RPA2: variants seen among roughly 807,000 people sequenced by gnomAD.
The protein encoded by RPA2 is replication protein A 32 kDa subunit.
In RPA2, 22 loss-of-function variants were observed where a neutral mutation model predicts 33.4. That is an observed-to-expected ratio of 0.66 (90% CI 0.47 to 0.94). RPA2 has a LOEUF of 0.94. Ranked by LOEUF, RPA2 falls within the 40% of genes least tolerant of loss-of-function variation. RPA2 has a pLI of 0.00. For missense variants in RPA2, 279 were observed against 329.9 expected (o/e 0.85, Z 1.19); for synonymous variants, 109 against 114.9 (o/e 0.95, Z 0.33).
At chr1:27,911,820 C>G (rs199890647) in intron 2 of RPA2, among the ~76,000 whole-genome samples, 2 of 152,012 alleles carry the variant, frequency 1.3e-5, no homozygotes, top group Non-Finnish European at 1.5e-5. Context: ...CGGCCGGGCA[C>G]GGTGGCTCAC....
Position 27,906,841 on chromosome 1 carries a change from T to C in RPA2, c.333+87A>G. 3 of 848,768 alleles carry C rather than the reference T, an allele frequency of 3.5e-6. No individual in the cohort carries two copies. The South Asian group carries it at 5.3e-5, about 15-fold the overall frequency. 52.6% of individuals were successfully genotyped at this position (848,768 alleles called of 1,614,324 possible). On this transcript the variant is annotated intron_variant, in intron 4 of 8. Coordinates refer to ENST00000373912, the MANE Select transcript of RPA2 (RefSeq NM_002946.5). Reference sequence around the variant, plus strand: ...TTGATGTCTTTTTGTATTATTTTTATAAGAAAAAACTTTAAAAAGACTAAA... The same window carrying C: ...TTGATGTCTTTTTGTATTATTTTTACAAGAAAAAACTTTAAAAAGACTAAA...
In RPA2 at chr1:27,913,754, T is replaced by A. The variant is rs112518040; in HGVS notation, c.117+309A>T. Among the ~76,000 whole-genome samples the A allele has an allele frequency of 3.7e-3, 569 of 152,188 alleles. 5 individuals are homozygous for A. The highest frequency in any genetic ancestry group is 0.013 in the African/African-American group (550 of 41,530). Reference sequence around the variant, plus strand: ...CAACATAGTGAGACCCCATCTCTATTTTAAAAAATAAAAATAAATTTAAAA... The same window carrying A: ...CAACATAGTGAGACCCCATCTCTATATTAAAAAATAAAAATAAATTTAAAA... On this transcript the variant is annotated intron_variant, in intron 2 of 8. Coordinates refer to ENST00000373912, the MANE Select transcript of RPA2 (RefSeq NM_002946.5).
At chr1:27,896,347 T>C (rs1007086082) in intron 6 of RPA2, among the ~76,000 whole-genome samples, 1 of 152,042 alleles carries the variant, frequency 6.6e-6, no homozygotes, top group Non-Finnish European at 1.5e-5. Context: ...TTAATTTTTT[T>C]TGTAGAGACA....
Position 27,892,219 on chromosome 1 carries a change from C to G in RPA2, c.757G>C (p.Gly253Arg). The change falls in exon 9 of 9, where the codon GGG (glycine) becomes CGG (arginine). Residue 253 changes from glycine to arginine, a missense_variant. Physicochemically the swap from Gly to Arg is moderately radical, Grantham distance 125. Coordinates refer to ENST00000373912, the MANE Select transcript of RPA2 (RefSeq NM_002946.5). ...TCATCCACAGTAGAATAGATGTGCC[C>G]CTCATTGCTCAGAAAATCCACAGCT... Reference protein sequence around the residue: ...KQAVDFLSNEGHIYSTVDDDH... With the variant: ...KQAVDFLSNERHIYSTVDDDH... 6.2e-7 allele frequency: 1 copy of G among 1,613,158 alleles called. No homozygotes were observed. Among genetic ancestry groups the G allele is most frequent in the Non-Finnish European group, 8.5e-7 (1 of 1,179,336 alleles).
intron 4 of RPA2, among the ~76,000 whole-genome samples, chr1:27,902,475 G>A (rs577659552): frequency 9.4e-4 from 143 of 151,950 alleles, no homozygotes; most frequent in Middle Eastern, 3.4e-3. Context: ...GTAGAGACTG[G>A]GTTATACCAT....
intron 2 of RPA2, among the ~76,000 whole-genome samples, chr1:27,911,153 T>A (rs1444317061): frequency 2.0e-5 from 3 of 151,754 alleles, no homozygotes; most frequent in South Asian, 2.1e-4. Context: ...GAGGTGGAGG[T>A]TGCAGTGAGC....
Position 27,894,274 on chromosome 1 carries a change from C to T in RPA2, c.633+16G>A. 2 of 1,609,726 alleles carry T rather than the reference C, an allele frequency of 1.2e-6. No homozygotes were observed. The highest frequency in any genetic ancestry group is 1.7e-6 in the Non-Finnish European group (2 of 1,177,144). On this transcript the variant is annotated intron_variant, in intron 7 of 8. Coordinates refer to ENST00000373912, the MANE Select transcript of RPA2 (RefSeq NM_002946.5). ...TCTGTGTTTTGTATTTCTGAAGCCACTCTGGTGGAGGTTACCTGGTTTTGG... is the reference window on the plus strand; with the variant it reads ...TCTGTGTTTTGTATTTCTGAAGCCATTCTGGTGGAGGTTACCTGGTTTTGG...
At chr1:27,904,738 C>T (rs1461183510) in intron 4 of RPA2, among the ~76,000 whole-genome samples, 1 of 151,880 alleles carries the variant, frequency 6.6e-6, no homozygotes, top group Non-Finnish European at 1.5e-5. Context: ...AATCTTGGCT[C>T]ACTGCAACCT....
intron 2 of RPA2, among the ~76,000 whole-genome samples, chr1:27,911,270 A>G (rs2090092771): frequency 6.6e-6 from 1 of 152,054 alleles, no homozygotes; most frequent in African/African-American, 2.4e-5. Context: ...TCATGCCTGT[A>G]ATACCAGCAC....
Position 27,892,183 on chromosome 1 carries a change from T to G in RPA2, c.793A>C (p.Lys265Gln). The G allele has an allele frequency of 6.2e-7, 1 of 1,612,658 alleles. No individual in the cohort carries two copies. ...TCCAGTTATTCTGCATCTGTGGATT[T>G]AAAATGGTCATCATCCACAGTAGAA... ...IYSTVDDDHFKSTDAE is the reference protein window; with the variant it reads ...IYSTVDDDHFQSTDAE The change falls in exon 9 of 9, where the codon AAA (lysine) becomes CAA (glutamine). Residue 265 changes from lysine (K) to glutamine (Q), a missense_variant. Physicochemically the swap from Lys to Gln is moderately conservative, Grantham distance 53 (BLOSUM62 1). Around this residue, in one of 2 missense-constraint regions of RPA2, gnomAD observed 5 missense variants for 19.6 expected, o/e 0.26. Coordinates refer to ENST00000373912, the MANE Select transcript of RPA2 (RefSeq NM_002946.5).
At chr1:27,898,065 G>A (rs541902117) in intron 4 of RPA2, among the ~76,000 whole-genome samples, 13 of 151,728 alleles carry the variant, frequency 8.6e-5, no homozygotes, top group Non-Finnish European at 1.5e-4. Flanking sequence ...ATCTTGGCTC[G>A]CTGCAACCTC....
intron 4 of RPA2, among the ~76,000 whole-genome samples, chr1:27,901,137 A>G (rs1399532384): frequency 1.3e-5 from 2 of 152,170 alleles, no homozygotes; most frequent in Admixed American, 1.3e-4. Context: ...AAACAGCATG[A>G]TATAATATCG....
At position 27,894,508 on chromosome 1, in the gene RPA2, C is replaced by T. The variant is rs988589328; in HGVS notation, c.526-111G>A. Reference sequence around the variant, plus strand: ...ACAAAAAACAATTTATAAACAGTTTCCCAGTTTATAACACTGCTTACATTG... The same window carrying T: ...ACAAAAAACAATTTATAAACAGTTTTCCAGTTTATAACACTGCTTACATTG... On this transcript the variant is annotated intron_variant, in intron 6 of 8. Coordinates refer to ENST00000373912, the MANE Select transcript of RPA2 (RefSeq NM_002946.5). 3.7e-6 allele frequency: 3 copies of T among 800,168 alleles called. No individual in the cohort carries two copies. The Admixed American group carries it at 8.1e-5, about 22-fold the overall frequency. The allele number at this position is 800,168 out of a possible 1,614,324, so 49.6% of individuals were successfully genotyped here.
intron 2 of RPA2, among the ~76,000 whole-genome samples, chr1:27,913,346 T>A (rs1244446645): frequency 6.7e-6 from 1 of 149,082 alleles, no homozygotes; most frequent in East Asian, 2.0e-4. Context: ...CCCAACACTT[T>A]GGGAGGCTGA....
chr1:27,895,206 A>G (rs1259125923), intron 6 of RPA2, among the ~76,000 whole-genome samples: 1 of 152,024 alleles, frequency 6.6e-6, no homozygotes, highest in Non-Finnish European at 1.5e-5. Flanking sequence ...ACAAATCCTC[A>G]TTGCCAGCCG....
intron 2 of RPA2, 33 bp from the exon 3 acceptor site, chr1:27,907,315 G>A: frequency 6.5e-7 from 1 of 1,547,810 alleles, no homozygotes; most frequent in South Asian, 1.1e-5. Context: ...ATTCAATTAA[G>A]AAAGTAATAA....
At chr1:27,911,759 A>G (rs1166956373) in intron 2 of RPA2, among the ~76,000 whole-genome samples, 1 of 152,220 alleles carries the variant, frequency 6.6e-6, no homozygotes, top group East Asian at 1.9e-4. Flanking sequence ...TGGAATAAAC[A>G]ATAAATTCCT....
intron 4 of RPA2, among the ~76,000 whole-genome samples, chr1:27,901,108 C>G (rs2089961714): frequency 6.6e-6 from 1 of 152,166 alleles, no homozygotes; most frequent in Non-Finnish European, 1.5e-5. Flanking sequence ...AGAAGTTATA[C>G]TGTAAGTAAA....
chr1:27,896,178 C>G (rs1033717791), intron 6 of RPA2, among the ~76,000 whole-genome samples: 1 of 151,998 alleles, frequency 6.6e-6, no homozygotes, highest in Non-Finnish European at 1.5e-5. Context: ...TCAAAGTAGG[C>G]GCAATAAATA....
Sources: allele counts gnomAD v4.1 joint callset (sites outside exome capture counted in the v4.1 genomes callset), GRCh38; gene constraint gnomAD v4.1.1; regional missense constraint gnomAD v4.1.1; transcripts MANE v1.5; gene names NCBI Gene and HGNC (gene_info 2026-07-23, HGNC 2026-07-21).